Variants in DPY19L2 observed in about 807,000 individuals in gnomAD.
DPY19L2 encodes the protein probable C-mannosyltransferase DPY19L2.
DPY19L2 carries 34 observed loss-of-function variants against 97.9 expected under a neutral mutation model. The ratio of observed to expected loss-of-function variants is 0.35; its 90% CI spans 0.26 to 0.46. The LOEUF (loss-of-function observed/expected upper bound fraction) is 0.46. Among genes scored for constraint, DPY19L2 ranks in the 20% least tolerant of loss-of-function variants. The pLI is 1.00. For missense variants in DPY19L2, 623 were observed against 911.4 expected (o/e 0.68, Z 4.07); for synonymous variants, 230 against 307.9 (o/e 0.75, Z 2.65).
chr12:63,603,214 G>A (rs184807998), intron 12 of DPY19L2, among the ~76,000 whole-genome samples: 2,070 of 152,044 alleles, frequency 0.014, 31 homozygotes, highest in Middle Eastern at 0.024. Flanking sequence ...TCTAAATAAA[G>A]AATAACAAAA....
intron 19 of DPY19L2, among the ~76,000 whole-genome samples, chr12:63,580,191 C>T (rs1277391790): frequency 6.6e-6 from 1 of 152,054 alleles, no homozygotes; most frequent in Admixed American, 6.6e-5. Context: ...CTGCCAATGA[C>T]CTGTTTTACA....
chr12:63,630,931 C>T (rs1351477695), intron 6 of DPY19L2, among the ~76,000 whole-genome samples: 1 of 152,092 alleles, frequency 6.6e-6, no homozygotes, highest in Admixed American at 6.5e-5. Flanking sequence ...AACTGCTCAA[C>T]AACATGGAAA....
chr12:63,581,378 T>C (rs1880863555), intron 18 of DPY19L2, among the ~76,000 whole-genome samples: 1 of 152,008 alleles, frequency 6.6e-6, no homozygotes, highest in African/African-American at 2.4e-5. Flanking sequence ...GAATTTCTTA[T>C]AGATTCTTCG....
intron 16 of DPY19L2, chr12:63,590,857 A>T (rs751717037): frequency 2.6e-5 from 7 of 273,148 alleles, no homozygotes; most frequent in Non-Finnish European, 5.4e-5. Flanking sequence ...CTGCCCATAC[A>T]CAACAGGCCT....
chr12:63,594,677 C>T (rs1317629048), intron 15 of DPY19L2, among the ~76,000 whole-genome samples: 1 of 151,696 alleles, frequency 6.6e-6, no homozygotes, highest in Admixed American at 6.6e-5. Flanking sequence ...TGTGTATGCA[C>T]ATGCCCCTGC....
chr12:63,594,386 A>G (rs534219578), intron 15 of DPY19L2, among the ~76,000 whole-genome samples: 108 of 152,098 alleles, frequency 7.1e-4, no homozygotes, highest in Middle Eastern at 3.4e-3. Flanking sequence ...TAGGACAAAT[A>G]AAGACTGAGG....
At chr12:63,605,965 A>G (rs1469293862) in intron 12 of DPY19L2, among the ~76,000 whole-genome samples, 1 of 152,172 alleles carries the variant, frequency 6.6e-6, no homozygotes, top group Non-Finnish European at 1.5e-5. Flanking sequence ...TTTATATCTT[A>G]GAAATTTTAA....
rs1046136918 is a variant in DPY19L2 at position 63,668,067 on chromosome 12, A to T, written c.327T>A (p.Thr109=). The change falls in exon 1 of 22, where the codon ACT becomes ACA. Residue 109 remains threonine (T), a synonymous_variant. Coordinates refer to ENST00000324472, the MANE Select transcript of DPY19L2 (RefSeq NM_173812.5). ...LQARRFSSRT[T]LGIAVFVAIL... Reference sequence around the variant, plus strand: ...CTGCCCTCTCCTCACCGATGCCGAGAGTGGTTCTGCTGGAGAACCGCCGCG... The same window carrying T: ...CTGCCCTCTCCTCACCGATGCCGAGTGTGGTTCTGCTGGAGAACCGCCGCG... The T allele has an allele frequency of 6.2e-7, 1 of 1,613,846 alleles. No individual in the cohort carries two copies. The highest frequency in any genetic ancestry group is 8.5e-7 in the Non-Finnish European group (1 of 1,179,892).
intron 16 of DPY19L2, among the ~76,000 whole-genome samples, chr12:63,586,808 T>C (rs1565718801): frequency 6.6e-6 from 1 of 152,138 alleles, no homozygotes; most frequent in East Asian, 1.9e-4. Context: ...ATACATTTGA[T>C]AATAATTTAA....
chr12:63,668,661 C>A, upstream of DPY19L2: 2 of 474,740 alleles, frequency 4.2e-6, no homozygotes, highest in South Asian at 2.5e-5. Flanking sequence ...CGTGCAGCTT[C>A]CGGTGAGGGC....
chr12:63,610,571 TA>T (rs1005612802), intron 11 of DPY19L2, among the ~76,000 whole-genome samples: 4 of 150,432 alleles, frequency 2.7e-5, no homozygotes, highest in East Asian at 1.9e-4. Context: ...TATGAAAACA[TA>T]AAAAAAACTC....
intron 16 of DPY19L2, among the ~76,000 whole-genome samples, chr12:63,589,854 C>T (rs1882577395): frequency 6.6e-6 from 1 of 152,112 alleles, no homozygotes. Flanking sequence ...CATAGCCGGG[C>T]ACAGTGGCTC....
intron 19 of DPY19L2, among the ~76,000 whole-genome samples, chr12:63,571,072 C>T (rs1878756733): frequency 6.6e-6 from 1 of 151,924 alleles, no homozygotes; most frequent in South Asian, 2.1e-4. Flanking sequence ...AAATTGTGCT[C>T]CATATTTTAA....
chr12:63,594,448 T>TGA (rs895669484), intron 15 of DPY19L2, among the ~76,000 whole-genome samples: 30 of 117,678 alleles, frequency 2.5e-4, no homozygotes, highest in Non-Finnish European at 4.3e-4. Context: ...GCTGCAGGGA[T>TGA]GAGAGAGAGA....
intron 21 of DPY19L2, among the ~76,000 whole-genome samples, chr12:63,568,482 A>G (rs904346077): frequency 6.6e-6 from 1 of 152,014 alleles, no homozygotes; most frequent in East Asian, 1.9e-4. Context: ...TGCTAAATCC[A>G]ACATCTGGAC....
chr12:63,660,013 T>C (rs1411464424), intron 4 of DPY19L2, among the ~76,000 whole-genome samples: 1 of 152,142 alleles, frequency 6.6e-6, no homozygotes, highest in Non-Finnish European at 1.5e-5. Flanking sequence ...ACAGCCATCG[T>C]AAGAGTAAAA....
At chr12:63,663,731 T>G (rs2136153368) in intron 3 of DPY19L2, 27 bp downstream of exon 3, 1 of 1,572,758 alleles carries the variant, frequency 6.4e-7, no homozygotes, top group East Asian at 2.3e-5. Flanking sequence ...AAACCACAAA[T>G]TAATTCATTA....
intron 13 of DPY19L2, among the ~76,000 whole-genome samples, chr12:63,598,413 TAAG>T (rs1187651248): frequency 2.0e-5 from 3 of 152,132 alleles, no homozygotes; most frequent in Non-Finnish European, 4.4e-5. Flanking sequence ...CTGATCCTCA[TAAG>T]AATTACAATA....
In DPY19L2 at chr12:63,661,293, T is replaced by G. The variant is rs528663104; in HGVS notation, c.588+51A>C. On this transcript the variant is annotated intron_variant, in intron 4 of 21. Transcript: ENST00000324472. Reference sequence around the variant, plus strand: ...CAAGATTGTGCTTACTATTTTTATCTGACAAAGAGGATCACTCTACAAATA... The same window carrying G: ...CAAGATTGTGCTTACTATTTTTATCGGACAAAGAGGATCACTCTACAAATA... 9 of 1,475,708 alleles carry G rather than the reference T, an allele frequency of 6.1e-6. No homozygotes were observed. The South Asian group carries it at 1.3e-4, about 22-fold the overall frequency. The allele number at this position is 1,475,708 out of a possible 1,614,324, so 91.4% of individuals were successfully genotyped here.
Sources: gnomAD v4.1 joint callset for allele counts (sites outside exome capture counted in the v4.1 genomes callset) on GRCh38, gnomAD v4.1.1 for gene constraint, MANE v1.5 for transcripts, NCBI Gene and HGNC (gene_info 2026-07-23, HGNC 2026-07-21) for gene names.